SLC38A6: variants seen among roughly 807,000 people sequenced by gnomAD.
SLC38A6 encodes the protein solute carrier family 38 member 6.
In SLC38A6, 73 loss-of-function variants were observed where a neutral mutation model predicts 65.0. The observed-to-expected ratio is 1.12, with a 90% CI of 0.93 to 1.37. SLC38A6 has a LOEUF of 1.37. Among genes scored for constraint, SLC38A6 ranks in the 40% most tolerant of loss-of-function variants. The pLI, the probability that SLC38A6 is intolerant of heterozygous loss-of-function variation, is 0.00. For missense variants in SLC38A6, 561 were observed against 531.1 expected (o/e 1.06, Z -0.55); for synonymous variants, 183 against 178.8 (o/e 1.02, Z -0.19).
chr14:61,033,493 A>G (rs1283490316), intron 6 of SLC38A6, among the ~76,000 whole-genome samples: 3 of 152,108 alleles, frequency 2.0e-5, no homozygotes, highest in African/African-American at 7.2e-5. Flanking sequence ...GAGTTCTGTT[A>G]GATCGTTCTT....
At chr14:61,021,961 G>A (rs1419149251) in intron 5 of SLC38A6, among the ~76,000 whole-genome samples, 2 of 152,126 alleles carry the variant, frequency 1.3e-5, no homozygotes, top group Non-Finnish European at 1.5e-5. Flanking sequence ...TCTGCCATTG[G>A]GTAGCCATGT....
At chr14:61,025,158 G>A (rs546453438) in intron 5 of SLC38A6, among the ~76,000 whole-genome samples, 5 of 151,980 alleles carry the variant, frequency 3.3e-5, no homozygotes, top group Non-Finnish European at 5.9e-5. Context: ...CTATGGACTC[G>A]GGTAACCCCA....
At chr14:61,008,310 AC>A (rs1566640725) in intron 3 of SLC38A6, among the ~76,000 whole-genome samples, 3 of 151,716 alleles carry the variant, frequency 2.0e-5, no homozygotes, top group African/African-American at 7.3e-5. Context: ...CTTCTTTCTA[AC>A]TTTGTAGTAA....
chr14:61,047,738 T>C (rs1193138410), intron 12 of SLC38A6, among the ~76,000 whole-genome samples: 1 of 152,158 alleles, frequency 6.6e-6, no homozygotes, highest in Non-Finnish European at 1.5e-5. Context: ...ATCATGTAGA[T>C]GGCATGTTTC....
rs568895709 is a variant in SLC38A6 at position 61,076,322 on chromosome 14, G to A, written c.1291-2488G>A. Among the ~76,000 whole-genome samples the A allele has an allele frequency of 3.3e-5, 5 of 152,320 alleles. No individual in the cohort carries two copies. In the South Asian group the frequency reaches 1.0e-3, roughly 32 times the overall value. On this transcript the variant is annotated intron_variant, in intron 15 of 16. Coordinates refer to the SLC38A6 transcript ENST00000354886. ...TCTGAAAAAGTTTCATACTTTAAAT[G>A]AATGGAAGATCATTAGTCTCATAAA...
At chr14:61,018,636 C>T (rs2040166467) in intron 4 of SLC38A6, among the ~76,000 whole-genome samples, 1 of 152,194 alleles carries the variant, frequency 6.6e-6, no homozygotes, top group Admixed American at 6.5e-5. Context: ...GAAAGGCCCA[C>T]ATGGAAGCAC....
chr14:61,048,314 C>A, intron 12 of SLC38A6: 1 of 347,256 alleles, frequency 2.9e-6, no homozygotes, highest in Non-Finnish European at 5.6e-6. Flanking sequence ...TTCCTGAATA[C>A]TAATCCAGTG....
chr14:61,048,034 G>A (rs1275467258), intron 12 of SLC38A6: 1 of 391,516 alleles, frequency 2.6e-6, no homozygotes, highest in Non-Finnish European at 5.0e-6. Flanking sequence ...TACATAAATA[G>A]AATAAATGAT....
intron 3 of SLC38A6, among the ~76,000 whole-genome samples, chr14:61,007,660 A>G (rs931437144): frequency 4.6e-5 from 7 of 152,132 alleles, no homozygotes; most frequent in Non-Finnish European, 8.8e-5. Flanking sequence ...AAGAATGTAC[A>G]TATTTAATTG....
At chr14:61,005,072 A>C (rs1056205479) in intron 3 of SLC38A6, among the ~76,000 whole-genome samples, 1 of 152,172 alleles carries the variant, frequency 6.6e-6, no homozygotes, top group Non-Finnish European at 1.5e-5. Flanking sequence ...TATAAACAGA[A>C]CCAAAGACAA....
In SLC38A6 at chr14:61,048,867, C is replaced by T. The variant is rs530702169; in HGVS notation, c.926-1645C>T. On this transcript the variant is annotated intron_variant, in intron 12 of 15. Transcript: ENST00000267488. ...TGTTAAGCAAGAAGTGTTAATAGCT[C>T]ATTTTATGATTCAGAAAATGGAAAT... Among the ~76,000 whole-genome samples the T allele has an allele frequency of 5.9e-5, 9 of 152,244 alleles. No individual in the cohort carries two copies. The East Asian group carries it at 1.7e-3, about 29-fold the overall frequency.
chr14:61,001,880 T>C (rs922790429), intron 3 of SLC38A6: 3 of 152,240 alleles, frequency 2.0e-5, no homozygotes, highest in Non-Finnish European at 2.9e-5. Flanking sequence ...CAGTATCTTT[T>C]TATCTTCTGC....
intron 8 of SLC38A6, among the ~76,000 whole-genome samples, chr14:61,039,295 C>G (rs1289800095): frequency 6.6e-6 from 1 of 152,140 alleles, no homozygotes; most frequent in Non-Finnish European, 1.5e-5. Context: ...ACAGTTTAAT[C>G]TACAGTGGGG....
intron 15 of SLC38A6, among the ~76,000 whole-genome samples, chr14:61,077,072 T>G (rs1188298159): frequency 6.6e-6 from 1 of 152,236 alleles, no homozygotes; most frequent in African/African-American, 2.4e-5. Flanking sequence ...GGGACATTGA[T>G]AAGATTGCAG....
chr14:60,985,771 A>ATGGCT (rs762341928), intron 3 of SLC38A6, among the ~76,000 whole-genome samples: 17 of 152,212 alleles, frequency 1.1e-4, no homozygotes, highest in Admixed American at 6.5e-4. Context: ...TGCAAGAAGC[A>ATGGCT]TGGCCCTTCT....
rs888882596 is a variant in SLC38A6, at chr14:61,043,482, GC to G, written c.724del (p.Leu242SerfsTer50). 1.2e-6 allele frequency: 2 copies of G among 1,608,020 alleles called. No individual in the cohort carries two copies. The highest frequency in any genetic ancestry group is 1.7e-6 in the Non-Finnish European group (2 of 1,177,818). On this transcript the variant is annotated frameshift_variant, in exon 10 of 16. Transcript: ENST00000267488. LOFTEE classifies it high-confidence loss of function. ...SNVTDDCKPKLFHFSKESAYA... is the reference protein window; with the variant it reads ...SNVTDDCKPKXFHFSKESAYA... ...ATGTTACAGATGATTGTAAGCCAAA[GC>G]TCTTTCATTTCTCCAAAGAGGTGTG...
chr14:60,981,635 G>T (rs1157641055), intron 1 of SLC38A6: 2 of 1,451,142 alleles, frequency 1.4e-6, no homozygotes, highest in Non-Finnish European at 1.8e-6. Flanking sequence ...AGCGTTGAGT[G>T]GAAGCTGCGA....
At chr14:61,069,277 A>G (rs562316577) in intron 15 of SLC38A6, among the ~76,000 whole-genome samples, 8 of 151,918 alleles carry the variant, frequency 5.3e-5, no homozygotes, top group African/African-American at 1.9e-4. Flanking sequence ...TCCTGCTTTC[A>G]TAGTATTACT....
chr14:61,080,900 C>A (rs529444079), intron 16 of SLC38A6, among the ~76,000 whole-genome samples: 1 of 152,340 alleles, frequency 6.6e-6, no homozygotes, highest in Admixed American at 6.5e-5. Context: ...TGATGTCACA[C>A]ACGCATTGTC....
Sources: allele counts gnomAD v4.1 joint callset (sites outside exome capture counted in the v4.1 genomes callset), GRCh38; gene constraint gnomAD v4.1.1; transcripts MANE v1.5; gene names NCBI Gene and HGNC (gene_info 2026-07-23, HGNC 2026-07-21).